B3GALT1: variants seen among roughly 807,000 people sequenced by gnomAD.
B3GALT1 encodes the protein beta-1,3-galactosyltransferase 1.
Under a neutral mutation model 23.2 loss-of-function variants are expected in B3GALT1, and 10 were observed. That is an observed-to-expected ratio of 0.43 (90% confidence interval 0.27 to 0.73). The LOEUF is 0.73. B3GALT1 is among the 30% of genes least tolerant of loss of function. B3GALT1 has a pLI of 0.21. For synonymous variants in B3GALT1, 156 were observed against 141.5 expected, an observed-to-expected ratio of 1.10 and a Z score of -0.73; for missense variants, 299 against 405.4, an observed-to-expected ratio of 0.74 and a Z score of 2.25.
At chr2:167,293,626 C>T (rs184514995) in intron 1 of B3GALT1, among the ~76,000 whole-genome samples, 102 of 152,248 alleles carry the variant, frequency 6.7e-4, no homozygotes, top group Admixed American at 3.1e-3. Flanking sequence ...ACAGTGGGTC[C>T]CCTCTGCGTG....
intron 3 of B3GALT1, among the ~76,000 whole-genome samples, chr2:167,699,405 T>G (rs1281235663): frequency 1.7e-5 from 2 of 117,426 alleles, no homozygotes; most frequent in Non-Finnish European, 3.4e-5. Context: ...TTTTTTTTTT[T>G]GAAGAAAACC....
intron 1 of B3GALT1, among the ~76,000 whole-genome samples, chr2:167,325,770 T>G (rs1574033589): frequency 1.3e-5 from 2 of 148,316 alleles, no homozygotes; most frequent in East Asian, 4.0e-4. Flanking sequence ...TAGGCTGGAG[T>G]GCAGTGGTGC....
chr2:167,614,025 A>T (rs1361937263), intron 2 of B3GALT1, among the ~76,000 whole-genome samples: 1 of 151,750 alleles, frequency 6.6e-6, no homozygotes, highest in Non-Finnish European at 1.5e-5. Flanking sequence ...CTCGTTTAAT[A>T]TTTTTCTAGA....
At chr2:167,574,027 C>CT (rs1684341708) in intron 2 of B3GALT1, among the ~76,000 whole-genome samples, 1 of 151,612 alleles carries the variant, frequency 6.6e-6, no homozygotes, top group South Asian at 2.1e-4. Flanking sequence ...AAAATTTAAA[C>CT]TTCAGTTTGC....
intron 2 of B3GALT1, among the ~76,000 whole-genome samples, chr2:167,552,654 C>CA (rs1490837316): frequency 6.6e-6 from 1 of 152,040 alleles, no homozygotes; most frequent in Admixed American, 6.6e-5. Flanking sequence ...TAACTGTAAT[C>CA]AAAAAAATTC....
chr2:167,826,679 ATCCACAGGT>A (rs1263829197), intron 4 of B3GALT1, among the ~76,000 whole-genome samples: 2 of 152,188 alleles, frequency 1.3e-5, no homozygotes, highest in Non-Finnish European at 2.9e-5. Flanking sequence ...AGCCCACTGT[ATCCACAGGT>A]TCCACATCTG....
intron 1 of B3GALT1, among the ~76,000 whole-genome samples, chr2:167,349,441 C>CA (rs1424772242): frequency 1.3e-5 from 2 of 151,968 alleles, no homozygotes; most frequent in African/African-American, 4.8e-5. Context: ...TCGGATATGC[C>CA]AAAAGAGGCC....
At chr2:167,315,493 T>G (rs1696702088) in intron 1 of B3GALT1, among the ~76,000 whole-genome samples, 1 of 152,194 alleles carries the variant, frequency 6.6e-6, no homozygotes, top group Admixed American at 6.5e-5. Context: ...ACTTGATAAT[T>G]CCTGCTTTTC....
chr2:167,645,784 TG>T (rs1685738595), intron 2 of B3GALT1, among the ~76,000 whole-genome samples: 1 of 152,014 alleles, frequency 6.6e-6, no homozygotes, highest in Non-Finnish European at 1.5e-5. Context: ...TTGGTCAGGC[TG>T]GTCTCGAACT....
chr2:167,727,315 C>G (rs558489263), intron 3 of B3GALT1, among the ~76,000 whole-genome samples: 1 of 152,266 alleles, frequency 6.6e-6, no homozygotes, highest in Non-Finnish European at 1.5e-5. Context: ...AGAGAACTAA[C>G]TCACTCTGCA....
intron 3 of B3GALT1, among the ~76,000 whole-genome samples, chr2:167,774,483 T>G (rs1688124822): frequency 1.6e-5 from 2 of 122,150 alleles, no homozygotes; most frequent in African/African-American, 3.4e-5. Flanking sequence ...TTTTTTTTTT[T>G]TGTTTTTTTT....
At chr2:167,686,268 A>G (rs1686615090) in intron 3 of B3GALT1, among the ~76,000 whole-genome samples, 1 of 152,228 alleles carries the variant, frequency 6.6e-6, no homozygotes, top group South Asian at 2.1e-4. Context: ...ATTTACCCAC[A>G]GTTATATACT....
At chr2:167,303,025 G>T (rs547332092) in intron 1 of B3GALT1, among the ~76,000 whole-genome samples, 16 of 152,228 alleles carry the variant, frequency 1.1e-4, no homozygotes, top group Non-Finnish European at 1.6e-4. Context: ...ACTGAACTCT[G>T]CACAGAATGA....
intron 3 of B3GALT1, among the ~76,000 whole-genome samples, chr2:167,678,122 A>G (rs1234153638): frequency 6.6e-6 from 1 of 152,106 alleles, no homozygotes; most frequent in Non-Finnish European, 1.5e-5. Flanking sequence ...ATACCTACCC[A>G]CCTTCTATCT....
intron 3 of B3GALT1, among the ~76,000 whole-genome samples, chr2:167,719,048 A>G (rs1687192916): frequency 6.6e-6 from 1 of 152,218 alleles, no homozygotes; most frequent in Non-Finnish European, 1.5e-5. Flanking sequence ...CATCTCAGTG[A>G]TAGATTTATT....
At chr2:167,527,782 A>G (rs894949390) in intron 2 of B3GALT1, among the ~76,000 whole-genome samples, 1 of 152,200 alleles carries the variant, frequency 6.6e-6, no homozygotes, top group Non-Finnish European at 1.5e-5. Context: ...TAGAGGTATT[A>G]TATGGTCAAG....
chr2:167,341,903 T>TA (rs1332589685), intron 1 of B3GALT1, among the ~76,000 whole-genome samples: 1 of 152,244 alleles, frequency 6.6e-6, no homozygotes, highest in African/African-American at 2.4e-5. Flanking sequence ...TTCTGATAAT[T>TA]ACCAATTTCT....
intron 3 of B3GALT1, among the ~76,000 whole-genome samples, chr2:167,792,888 T>G: frequency 1.4e-5 from 2 of 139,340 alleles, no homozygotes; most frequent in African/African-American, 2.8e-5. Flanking sequence ...ACTAAGGAGG[T>G]CAAATGGATA....
intron 2 of B3GALT1, among the ~76,000 whole-genome samples, chr2:167,619,699 A>G (rs756299564): frequency 6.6e-6 from 1 of 152,138 alleles, no homozygotes; most frequent in Non-Finnish European, 1.5e-5. Flanking sequence ...AAAGGTCCCA[A>G]TATAAATGGT....
Sources: allele counts gnomAD v4.1 joint callset (sites outside exome capture counted in the v4.1 genomes callset), GRCh38; gene constraint gnomAD v4.1.1; transcripts MANE v1.5; gene names NCBI Gene and HGNC (gene_info 2026-07-23, HGNC 2026-07-21).